The following COL5A1 variants were observed in gnomAD, a reference collection of about 807,000 sequenced individuals.
COL5A1 encodes the protein collagen alpha-1(V) chain.
COL5A1 carries 16 observed loss-of-function variants against 263.7 expected under a neutral mutation model. That is an observed-to-expected ratio of 0.06 (90% CI 0.04 to 0.09). COL5A1 has a LOEUF of 0.09. Among genes scored for constraint, COL5A1 ranks in the 10% least tolerant of loss-of-function variants. COL5A1 has a pLI of 1.00. For synonymous variants in COL5A1, 1,012 were observed against 1,004.5 expected (o/e 1.01, Z -0.14); for missense variants, 2,036 against 2,540.5 (o/e 0.80, Z 4.27).
chr9:134,744,482 T>C (rs1479641685), intron 11 of COL5A1, among the ~76,000 whole-genome samples: 3 of 151,038 alleles, frequency 2.0e-5, no homozygotes, highest in African/African-American at 7.3e-5. Flanking sequence ...CACGTATGCA[T>C]GCACAGTCAC....
At chr9:134,769,463 C>A (rs1423820902) in intron 25 of COL5A1, among the ~76,000 whole-genome samples, 2 of 152,204 alleles carry the variant, frequency 1.3e-5, no homozygotes, top group African/African-American at 4.8e-5. Context: ...TTTCATTGCC[C>A]TTTCTAATGA....
At chr9:134,804,308 G>A (rs1316599252) in intron 39 of COL5A1, among the ~76,000 whole-genome samples, 1 of 152,208 alleles carries the variant, frequency 6.6e-6, no homozygotes, top group Admixed American at 6.5e-5. Context: ...GGACCCCAGA[G>A]AACATTTTGG....
chr9:134,816,320 CCT>C (rs1306238935), intron 52 of COL5A1, among the ~76,000 whole-genome samples: 1 of 152,196 alleles, frequency 6.6e-6, no homozygotes, highest in Non-Finnish European at 1.5e-5. Flanking sequence ...AGGGCCAGTG[CCT>C]CTCCTCACCA....
At chr9:134,722,661 G>A (rs182234316) in intron 4 of COL5A1, among the ~76,000 whole-genome samples, 11 of 152,360 alleles carry the variant, frequency 7.2e-5, no homozygotes, top group Non-Finnish European at 1.5e-4. Flanking sequence ...ATTGCCAGTT[G>A]AAAGGAGAAC....
chr9:134,766,505 C>T lies in COL5A1; in HGVS notation c.2133+7C>T. 1.2e-6 allele frequency: 2 copies of T among 1,613,998 alleles called. No homozygotes were observed. The highest frequency in any genetic ancestry group is 1.7e-6 in the Non-Finnish European group (2 of 1,179,958). On this transcript the variant is annotated splice_region_variant and intron_variant, in intron 22 of 65. Transcript: ENST00000371817. ...GGGGCCAAAAGGAAATGTGGTAAGT[C>T]CCTGGGGTCCCGTGGCCTGGCTTCA...
chr9:134,808,777 CAGAA>C (rs1317741626), intron 42 of COL5A1, among the ~76,000 whole-genome samples: 1 of 152,120 alleles, frequency 6.6e-6, no homozygotes, highest in Non-Finnish European at 1.5e-5. Context: ...TGTAAAGAAT[CAGAA>C]AGCTGGTGAA....
rs1832881652 is a variant in COL5A1 at position 134,682,229 on chromosome 9, G to A, written c.110-8683G>A. On this transcript the variant is annotated intron_variant, in intron 1 of 65. Coordinates refer to ENST00000371817, the MANE Select transcript of COL5A1 (RefSeq NM_000093.5). This position sits in a 1 kb window ranked among gnomAD's most constrained non-coding sequence, Gnocchi z 5.1. ...GGACTGGGTGTCCCCAGAGCCGACAGCACTATTCGGCTGGGTGCCAGGGAC... is the reference window on the plus strand; with the variant it reads ...GGACTGGGTGTCCCCAGAGCCGACAACACTATTCGGCTGGGTGCCAGGGAC... 6.6e-6 allele frequency among the ~76,000 whole-genome samples: 1 copy of A among 152,210 alleles called. No individual in the cohort carries two copies. The highest frequency in any genetic ancestry group is 2.1e-4 in the South Asian group (1 of 4,834).
intron 32 of COL5A1, among the ~76,000 whole-genome samples, chr9:134,790,933 C>T (rs544119144): frequency 6.6e-6 from 1 of 152,216 alleles, no homozygotes; most frequent in South Asian, 2.1e-4. Flanking sequence ...GACTGCAAGC[C>T]CTTTCCATGG....
chr9:134,823,576 C>A, intron 61 of COL5A1, 107 bp downstream of exon 61: 1 of 1,211,804 alleles, frequency 8.3e-7, no homozygotes, highest in Non-Finnish European at 1.2e-6. Flanking sequence ...CTCATGAAGC[C>A]CATGTGGCAT....
rs370260073 is a variant in COL5A1 at position 134,696,212 on chromosome 9, C to T, written c.278-3697C>T. On this transcript the variant is annotated intron_variant, in intron 2 of 65. Coordinates refer to ENST00000371817, the MANE Select transcript of COL5A1 (RefSeq NM_000093.5). The surrounding 1 kb of genome is among the most constrained non-coding windows in gnomAD (Gnocchi z 4.3). ...TTATTGAGACAGAGTCTCACTCTGT[C>T]GCCCAGGCTGGAGTGCAGTGGTGTA... 1.6e-4 allele frequency among the ~76,000 whole-genome samples: 25 copies of T among 152,190 alleles called. No individual in the cohort carries two copies. The South Asian group carries it at 1.7e-3, about 10-fold the overall frequency.
At chr9:134,776,234 G>C (rs1837046305) in intron 27 of COL5A1, among the ~76,000 whole-genome samples, 1 of 152,136 alleles carries the variant, frequency 6.6e-6, no homozygotes, top group Non-Finnish European at 1.5e-5. Context: ...TTTTATAAGG[G>C]TGATAATTTA....
At chr9:134,812,573 C>T (rs942551449) in intron 47 of COL5A1, 32 bp from the exon 48 acceptor site, 1 of 1,611,436 alleles carries the variant, frequency 6.2e-7, no homozygotes, top group African/African-American at 1.3e-5. Context: ...TTTGCGTTTC[C>T]TCTGGGCTCA....
rs778211862 is a variant in COL5A1 at position 134,692,945 on chromosome 9, C to T, written c.277+1866C>T. Among the ~76,000 whole-genome samples the T allele has an allele frequency of 1.4e-4, 21 of 152,020 alleles. No homozygotes were observed. In the East Asian group the frequency reaches 1.9e-3, roughly 14 times the overall value. The stretch of plus-strand genomic sequence containing the variant: ...AAAATTAGCTGGACGTGGTGGTGCG[C>T]GCCTGTAATCCCAGCTATTCGGGAG... On this transcript the variant is annotated intron_variant, in intron 2 of 65. Transcript: ENST00000371817.
rs924985378 is a variant in COL5A1, at chr9:134,677,008, C to G, written c.110-13904C>G. On this transcript the variant is annotated intron_variant, in intron 1 of 65. Transcript: ENST00000371817. The surrounding 1 kb of genome is among the most constrained non-coding windows in gnomAD (Gnocchi z 4.4). Reference sequence around the variant, plus strand: ...TCACGGTCTGGGAAATAGCAAGTCCCTTGGAGCACCTGCTGCCAGTCCTGG... The same window carrying G: ...TCACGGTCTGGGAAATAGCAAGTCCGTTGGAGCACCTGCTGCCAGTCCTGG... 6.6e-6 allele frequency among the ~76,000 whole-genome samples: 1 copy of G among 152,174 alleles called. No individual in the cohort carries two copies. Among genetic ancestry groups the G allele is most frequent in the African/African-American group, 2.4e-5 (1 of 41,442 alleles).
In COL5A1 at chr9:134,822,113, C is replaced by T; in HGVS notation, c.4571C>T (p.Ser1524Phe). 1.9e-6 allele frequency: 3 copies of T among 1,590,166 alleles called. No individual in the cohort carries two copies. The highest frequency in any genetic ancestry group is 2.6e-6 in the Non-Finnish European group (3 of 1,165,792). ...PKGEQGITGP[S>F]GPIGPPGPPG... ...CCTTTTCAGGGTATCACTGGTCCTT[C>T]TGGCCCGATTGGGCCTCCTGGGCCC... The change falls in exon 59 of 66, where the codon TCT (serine) becomes TTT (phenylalanine). Residue 1524 changes from serine to phenylalanine, a missense_variant. By Grantham distance (155) the Ser-to-Phe change is radical. Coordinates refer to ENST00000371817, the MANE Select transcript of COL5A1 (RefSeq NM_000093.5).
At chr9:134,660,687 G>A (rs1343835817) in intron 1 of COL5A1, among the ~76,000 whole-genome samples, 16 of 152,140 alleles carry the variant, frequency 1.1e-4, no homozygotes, top group Admixed American at 8.5e-4. Flanking sequence ...CTCATGGTGC[G>A]ACCTCAAAAC....
At chr9:134,783,225 T>A (rs1418039295) in intron 29 of COL5A1, among the ~76,000 whole-genome samples, 3 of 152,164 alleles carry the variant, frequency 2.0e-5, no homozygotes, top group African/African-American at 7.2e-5. Context: ...CCCAGACAGT[T>A]CTTCAGGGTC....
chr9:134,824,241 G>T (rs1250549561), intron 61 of COL5A1, among the ~76,000 whole-genome samples: 2 of 152,222 alleles, frequency 1.3e-5, no homozygotes, highest in East Asian at 3.8e-4. Context: ...CCCAGCTAGG[G>T]CTGCAGAGGC....
Position 134,762,064 on chromosome 9 carries a change from G to A in COL5A1, c.1989+86G>A, listed in dbSNP as rs941878385. 3.5e-6 allele frequency: 5 copies of A among 1,438,480 alleles called. No homozygotes were observed. In the African/African-American group the frequency reaches 7.0e-5, roughly 20 times the overall value. The allele number at this position is 1,438,480 out of a possible 1,614,324, so 89.1% of individuals were successfully genotyped here. A position where few individuals can be genotyped will look rare whatever the true frequency, so the allele number is the denominator to read the frequency against. On this transcript the variant is annotated intron_variant, in intron 19 of 65. Transcript: ENST00000371817. ...AGGAAAACCACAGAAGAGAGGCCCA[G>A]GTGTGGGATTGGCCTGCCGCATGTG...
Sources: gnomAD v4.1 joint callset for allele counts (sites outside exome capture counted in the v4.1 genomes callset) on GRCh38, gnomAD v4.1.1 for gene constraint, Gnocchi (gnomAD v3.1) non-coding constraint, MANE v1.5 for transcripts, NCBI Gene and HGNC (gene_info 2026-07-23, HGNC 2026-07-21) for gene names.